Variants in PEAK1 observed in about 807,000 individuals in gnomAD.
PEAK1 encodes pseudopodium enriched atypical kinase 1.
PEAK1 carries 54 observed loss-of-function variants against 124.7 expected under a neutral mutation model. That is an observed-to-expected ratio of 0.43 (90% confidence interval 0.35 to 0.54). The LOEUF is 0.54. Ranked by LOEUF, PEAK1 falls within the 20% of genes least tolerant of loss-of-function variation. PEAK1 has a pLI of 0.01. For synonymous variants in PEAK1, 719 were observed against 760.0 expected (o/e 0.95, Z 0.89); for missense variants, 2,046 against 2,134.5 (o/e 0.96, Z 0.82).
At chr15:77,327,334 G>A (rs2065638762) in intron 2 of PEAK1, among the ~76,000 whole-genome samples, 1 of 151,642 alleles carries the variant, frequency 6.6e-6, no homozygotes, top group Non-Finnish European at 1.5e-5. Flanking sequence ...GTTGGGGCAA[G>A]GGTATGTTTA....
At chr15:77,265,645 T>G (rs1334912498) in intron 5 of PEAK1, among the ~76,000 whole-genome samples, 4 of 151,852 alleles carry the variant, frequency 2.6e-5, no homozygotes, top group Non-Finnish European at 4.4e-5. Context: ...GGAACACTTT[T>G]ACACTGTTGG....
At chr15:77,252,805 G>A (rs1362344150) in intron 5 of PEAK1, among the ~76,000 whole-genome samples, 3 of 152,052 alleles carry the variant, frequency 2.0e-5, no homozygotes, top group Non-Finnish European at 2.9e-5. Flanking sequence ...TTTTTGTAGA[G>A]ACTTATTCTA....
In PEAK1 at chr15:77,179,714, G is replaced by A; in HGVS notation, c.2213C>T (p.Thr738Ile). The change falls in exon 7 of 10, where the codon ACT becomes ATT. Residue 738 changes from threonine to isoleucine, a missense_variant. Thr to Ile is a moderately conservative substitution (Grantham distance 89). Coordinates refer to ENST00000682557, the MANE Select transcript of PEAK1 (RefSeq NM_001385026.1). Reference protein sequence around the residue: ...HSSPAKIQRATQEPVAKIEGT... With the variant: ...HSSPAKIQRAIQEPVAKIEGT... ...TTCTATTTTGGCCACAGGCTCTTGA[G>A]TGGCTCTCTGGATCTTTGCTGGGGA... 1.2e-6 allele frequency: 2 copies of A among 1,614,064 alleles called. No individual in the cohort carries two copies. The highest frequency in any genetic ancestry group is 1.7e-6 in the Non-Finnish European group (2 of 1,180,006).
rs192825906 is a variant in PEAK1 at position 77,361,669 on chromosome 15, G to T, written c.-603+3494C>A. 4.6e-5 allele frequency among the ~76,000 whole-genome samples: 7 copies of T among 152,230 alleles called. No individual in the cohort carries two copies. The East Asian group carries it at 1.3e-3, about 29-fold the overall frequency. ...AACCACTATGGAGAACAGCAAGGAG[G>T]TTCCTCAAAAAACTACAAATAGAAT... On this transcript the variant is annotated intron_variant, in intron 2 of 9. Coordinates refer to ENST00000682557, the MANE Select transcript of PEAK1 (RefSeq NM_001385026.1).
intron 2 of PEAK1, among the ~76,000 whole-genome samples, chr15:77,322,222 G>C (rs1192716797): frequency 3.3e-5 from 5 of 152,136 alleles, no homozygotes; most frequent in Non-Finnish European, 7.4e-5. Context: ...AAACGAACTA[G>C]AGAAGCAAGA....
chr15:77,288,452 C>T (rs184610632), intron 2 of PEAK1, among the ~76,000 whole-genome samples: 27 of 152,292 alleles, frequency 1.8e-4, no homozygotes, highest in African/African-American at 5.3e-4. Flanking sequence ...CATATCATTG[C>T]AACAAGCACT....
chr15:77,353,859 G>C (rs2067344103), intron 2 of PEAK1, among the ~76,000 whole-genome samples: 1 of 152,200 alleles, frequency 6.6e-6, no homozygotes, highest in Non-Finnish European at 1.5e-5. Flanking sequence ...TCAAACATAG[G>C]ATGCAGAAAA....
intron 2 of PEAK1, chr15:77,334,954 C>T (rs976901111): frequency 1.0e-6 from 1 of 985,262 alleles, no homozygotes; most frequent in Non-Finnish European, 1.2e-6. Flanking sequence ...GAACACAAAT[C>T]TCAACAGATT....
At chr15:77,272,880 G>A (rs965272185) in intron 5 of PEAK1, among the ~76,000 whole-genome samples, 13 of 152,164 alleles carry the variant, frequency 8.5e-5, no homozygotes, top group South Asian at 4.2e-4. Context: ...CTAGCTAAAC[G>A]AATCCAACAG....
At chr15:77,252,907 T>C (rs752154324) in intron 5 of PEAK1, among the ~76,000 whole-genome samples, 6 of 152,194 alleles carry the variant, frequency 3.9e-5, no homozygotes, top group Non-Finnish European at 1.5e-5. Context: ...CCAACTTCAG[T>C]ATAAAGACCT....
chr15:77,127,224 C>A (rs2052454043), intron 9 of PEAK1, among the ~76,000 whole-genome samples: 1 of 152,202 alleles, frequency 6.6e-6, no homozygotes, highest in African/African-American at 2.4e-5. Flanking sequence ...AGAGCCCTCA[C>A]TAGAAGCCAA....
At chr15:77,348,813 G>GCCCGCC in intron 2 of PEAK1, 1 of 371,976 alleles carries the variant, frequency 2.7e-6, no homozygotes, top group Non-Finnish European at 3.6e-6. Flanking sequence ...GAGGGGGCGG[G>GCCCGCC]CAGGTGGGGG....
intron 6 of PEAK1, among the ~76,000 whole-genome samples, chr15:77,202,416 T>A (rs1354494228): frequency 6.6e-6 from 1 of 152,176 alleles, no homozygotes; most frequent in African/African-American, 2.4e-5. Context: ...GTATGTACTA[T>A]ATACTGTATT....
At chr15:77,160,524 A>G (rs1296880346) in intron 7 of PEAK1, among the ~76,000 whole-genome samples, 3 of 151,528 alleles carry the variant, frequency 2.0e-5, no homozygotes, top group Admixed American at 1.3e-4. Context: ...AAAAACACAA[A>G]AATTAGCTGG....
At chr15:77,340,684 C>A (rs1192283213) in intron 2 of PEAK1, among the ~76,000 whole-genome samples, 1 of 152,038 alleles carries the variant, frequency 6.6e-6, no homozygotes, top group African/African-American at 2.4e-5. Context: ...TTGAATGTAC[C>A]ACCATTCTGT....
At position 77,163,604 on chromosome 15, in the gene PEAK1, G is replaced by A. The variant is rs888061911; in HGVS notation, c.3138-4908C>T. On this transcript the variant is annotated intron_variant, in intron 7 of 9. Transcript: ENST00000682557. ...ATGTCTGAGTGTACTTTTTAAAAAG[G>A]CAAATCAAATTCCACATTAGAACAG... 2.6e-5 allele frequency among the ~76,000 whole-genome samples: 4 copies of A among 152,238 alleles called. No individual in the cohort carries two copies. The East Asian group carries it at 7.7e-4, about 29-fold the overall frequency.
intron 2 of PEAK1, among the ~76,000 whole-genome samples, chr15:77,289,787 A>G (rs962793100): frequency 1.3e-5 from 2 of 152,148 alleles, no homozygotes; most frequent in Non-Finnish European, 1.5e-5. Flanking sequence ...CAGTGAGCCG[A>G]TATCGTGCAC....
intron 2 of PEAK1, among the ~76,000 whole-genome samples, chr15:77,336,929 A>C (rs1244574135): frequency 1.3e-5 from 2 of 152,096 alleles, no homozygotes; most frequent in African/African-American, 4.8e-5. Context: ...GTACAGACCA[A>C]GGCCATTTGT....
At chr15:77,300,484 A>C (rs1364661408) in intron 2 of PEAK1, among the ~76,000 whole-genome samples, 4 of 152,220 alleles carry the variant, frequency 2.6e-5, no homozygotes, top group African/African-American at 9.7e-5. Flanking sequence ...TTATTTTAGA[A>C]CAGCTTTAGA....
Sources: allele counts gnomAD v4.1 joint callset (sites outside exome capture counted in the v4.1 genomes callset), GRCh38; gene constraint gnomAD v4.1.1; transcripts MANE v1.5; gene names NCBI Gene and HGNC (gene_info 2026-07-23, HGNC 2026-07-21).